The following KIAA0232 variants were observed in gnomAD, a reference collection of about 807,000 sequenced individuals.
The protein encoded by KIAA0232 is KIAA0232, also known as uncharacterized protein KIAA0232.
Under a neutral mutation model 122.0 loss-of-function variants are expected in KIAA0232, and 27 were observed. The observed-to-expected ratio is 0.22, with a 90% CI of 0.16 to 0.31. The LOEUF is 0.31. KIAA0232 is among the 10% of genes least tolerant of loss of function. The probability of loss-of-function intolerance (pLI) is 1.00; values close to 1 mark genes in which losing one functional copy is unlikely to be tolerated. For synonymous variants in KIAA0232, 613 were observed against 587.6 expected, an observed-to-expected ratio of 1.04 and a Z score of -0.63; for missense variants, 1,551 against 1,634.2, an observed-to-expected ratio of 0.95 and a Z score of 0.88.
At chr4:6,845,853 C>T (rs1719932177) in intron 4 of KIAA0232, among the ~76,000 whole-genome samples, 1 of 152,146 alleles carries the variant, frequency 6.6e-6, no homozygotes, top group African/African-American at 2.4e-5. Context: ...ATGCAAGACC[C>T]TTCTCCTGTA....
At chr4:6,813,136 A>G (rs1291416128) in intron 2 of KIAA0232, among the ~76,000 whole-genome samples, 3 of 152,162 alleles carry the variant, frequency 2.0e-5, no homozygotes, top group Non-Finnish European at 4.4e-5. Flanking sequence ...TTAGTAATAT[A>G]TGTCATATAG....
At chr4:6,840,262 TGTTCCCCGC>T (rs1294413929) in intron 3 of KIAA0232, among the ~76,000 whole-genome samples, 1 of 152,204 alleles carries the variant, frequency 6.6e-6, no homozygotes, top group Non-Finnish European at 1.5e-5. Flanking sequence ...CCAGAGGTCA[TGTTCCCCGC>T]ATTCCCAGCA....
intron 2 of KIAA0232, among the ~76,000 whole-genome samples, chr4:6,817,100 CTCT>C (rs1405624050): frequency 1.3e-5 from 2 of 152,082 alleles, no homozygotes; most frequent in African/African-American, 4.8e-5. Context: ...GCTTCGTTTG[CTCT>C]TCTTTGTCTA....
chr4:6,874,864 T>TCA (rs5855934), intron 8 of KIAA0232, among the ~76,000 whole-genome samples: 73,043 of 151,930 alleles, frequency 0.48, 18,130 homozygotes, highest in East Asian at 0.6. Context: ...CAGTTCAGCA[T>TCA]CACCTTTTCC....
intron 1 of KIAA0232, among the ~76,000 whole-genome samples, chr4:6,785,271 A>G (rs1451740899): frequency 2.0e-5 from 3 of 152,202 alleles, no homozygotes; most frequent in African/African-American, 7.2e-5. Flanking sequence ...CAGTGGTAAT[A>G]TAGGGTAATG....
intron 2 of KIAA0232, among the ~76,000 whole-genome samples, chr4:6,809,814 A>G (rs1364796179): frequency 6.6e-6 from 1 of 152,130 alleles, no homozygotes; most frequent in Non-Finnish European, 1.5e-5. Flanking sequence ...AGAAATCAAG[A>G]AGGAAGTACC....
At position 6,855,251 on chromosome 4, in the gene KIAA0232, AT is replaced by A. The variant is rs199864427; in HGVS notation, c.370-1905del. Among the ~76,000 whole-genome samples, 10 of 151,526 alleles carry A rather than the reference AT, an allele frequency of 6.6e-5. No individual in the cohort carries two copies. In the East Asian group the frequency reaches 1.6e-3, roughly 23 times the overall value. On this transcript the variant is annotated intron_variant, in intron 4 of 9. Coordinates refer to ENST00000307659, the MANE Select transcript of KIAA0232 (RefSeq NM_014743.3). The surrounding 1 kb of genome is among the most constrained non-coding windows in gnomAD (Gnocchi z 4.3). ...AGGTGCCTGCCACCACGCCCAGCTA[AT>A]TTTTTTTGTATTTTTAGTAGAAACG... is the stretch of plus-strand genomic sequence containing the variant.
chr4:6,866,771 T>C (rs1485779599), intron 7 of KIAA0232, among the ~76,000 whole-genome samples: 2 of 152,232 alleles, frequency 1.3e-5, no homozygotes, highest in Non-Finnish European at 1.5e-5. Flanking sequence ...AGTGAGTACC[T>C]GTTTACATGC....
At chr4:6,860,579 GCATT>G (rs764190253) in intron 6 of KIAA0232, among the ~76,000 whole-genome samples, 32 of 152,284 alleles carry the variant, frequency 2.1e-4, no homozygotes, top group Admixed American at 3.9e-4. Flanking sequence ...TGAAGAGACT[GCATT>G]CTTTCTTCTA....
At chr4:6,783,361 G>A (rs1006538615) in intron 1 of KIAA0232, among the ~76,000 whole-genome samples, 4 of 152,224 alleles carry the variant, frequency 2.6e-5, no homozygotes, top group Admixed American at 6.5e-5. Context: ...GCCGTTGGCT[G>A]CCTCCTGCCT....
chr4:6,877,252 C>T (rs1158058370), intron 9 of KIAA0232, among the ~76,000 whole-genome samples: 1 of 152,212 alleles, frequency 6.6e-6, no homozygotes, highest in African/African-American at 2.4e-5. Context: ...ACTCTTCTTG[C>T]TGTAGCCAGA....
intron 6 of KIAA0232, among the ~76,000 whole-genome samples, chr4:6,859,858 C>CCCCCTG (rs1560198552): frequency 3.9e-5 from 6 of 152,184 alleles, no homozygotes; most frequent in Non-Finnish European, 8.8e-5. Flanking sequence ...AGTTTCCTAG[C>CCCCCTG]AAATCAAAAA....
intron 3 of KIAA0232, among the ~76,000 whole-genome samples, chr4:6,838,661 A>G (rs966005946): frequency 2.6e-5 from 4 of 151,484 alleles, no homozygotes; most frequent in Non-Finnish European, 5.9e-5. Flanking sequence ...ATATATGCCA[A>G]CTGTTGACAG....
intron 3 of KIAA0232, among the ~76,000 whole-genome samples, chr4:6,828,832 A>G (rs892756855): frequency 2.6e-5 from 4 of 152,178 alleles, no homozygotes; most frequent in Non-Finnish European, 5.9e-5. Flanking sequence ...GTAAACTAGC[A>G]TGTACTTTTT....
intron 3 of KIAA0232, among the ~76,000 whole-genome samples, chr4:6,827,756 C>T (rs1445270085): frequency 6.6e-6 from 1 of 152,172 alleles, no homozygotes; most frequent in Admixed American, 6.5e-5. Flanking sequence ...CTAATTTGGG[C>T]AGGGTTATAA....
At chr4:6,878,435 CTT>C (rs772096546) in intron 9 of KIAA0232, among the ~76,000 whole-genome samples, 86 of 143,010 alleles carry the variant, frequency 6.0e-4, no homozygotes, top group Non-Finnish European at 9.1e-4. Context: ...ATACATAAAT[CTT>C]GTGTCACATG....
chr4:6,811,157 C>T (rs537996951), intron 2 of KIAA0232, among the ~76,000 whole-genome samples: 1 of 152,034 alleles, frequency 6.6e-6, no homozygotes. Flanking sequence ...TACCTGTGCT[C>T]GTATGTTTAT....
At chr4:6,842,285 C>A in intron 4 of KIAA0232, 81 bp downstream of exon 4, 1 of 1,398,948 alleles carries the variant, frequency 7.1e-7, no homozygotes, top group South Asian at 1.3e-5. Context: ...AACTTGACCT[C>A]CAAAAACTGG....
rs555706102 is a variant in KIAA0232, at chr4:6,807,311, T to C, written c.-270+2705T>C. Among the ~76,000 whole-genome samples the C allele has an allele frequency of 2.6e-5, 4 of 152,354 alleles. No individual in the cohort carries two copies. In the South Asian group the frequency reaches 8.3e-4, roughly 32 times the overall value. ...CTCTTGCTATCAAGTAGTAATCTTA[T>C]CTATAAGAACAATCCTGTTTATGAA... On this transcript the variant is annotated intron_variant, in intron 2 of 9. Coordinates refer to ENST00000307659, the MANE Select transcript of KIAA0232 (RefSeq NM_014743.3).
Sources: gnomAD v4.1 joint callset for allele counts (sites outside exome capture counted in the v4.1 genomes callset) on GRCh38, gnomAD v4.1.1 for gene constraint, Gnocchi (gnomAD v3.1) non-coding constraint, MANE v1.5 for transcripts, NCBI Gene and HGNC (gene_info 2026-07-23, HGNC 2026-07-21) for gene names.